The following NFATC2 variants were observed in gnomAD, a reference collection of about 807,000 sequenced individuals.
NFATC2 encodes nuclear factor of activated T-cells, cytoplasmic 2.
NFATC2 carries 22 observed loss-of-function variants against 87.3 expected under a neutral mutation model. That is an observed-to-expected ratio of 0.25 (90% CI 0.18 to 0.36). The LOEUF (loss-of-function observed/expected upper bound fraction) is 0.36, where lower values mean the gene tolerates loss of function less well. Among genes scored for constraint, NFATC2 ranks in the 10% least tolerant of loss-of-function variants. The probability of loss-of-function intolerance (pLI) is 1.00; values close to 1 mark genes in which losing one functional copy is unlikely to be tolerated. For synonymous variants in NFATC2, 565 were observed against 542.2 expected (o/e 1.04, Z -0.58); for missense variants, 1,149 against 1,259.1 (o/e 0.91, Z 1.32).
chr20:51,392,042 CT>C (rs1374865942), intron 10 of NFATC2, among the ~76,000 whole-genome samples: 1 of 152,192 alleles, frequency 6.6e-6, no homozygotes, highest in Non-Finnish European at 1.5e-5. Flanking sequence ...TTTGAAGTAA[CT>C]TTCTCCTCTT....
Position 51,480,062 on chromosome 20 carries a change from C to T in NFATC2, c.1333-4402G>A, listed in dbSNP as rs1157691112. Among the ~76,000 whole-genome samples, 1 of 151,938 alleles carries T rather than the reference C, an allele frequency of 6.6e-6. No individual in the cohort carries two copies. Among genetic ancestry groups the T allele is most frequent in the Non-Finnish European group, 1.5e-5 (1 of 67,994 alleles). ...CAGCACTTTGGGAGGCTGAGGTGGG[C>T]AGATCACTTGACGTCAGGAGTTCAA... On this transcript the variant is annotated intron_variant, in intron 3 of 10. Coordinates refer to ENST00000371564, the MANE Select transcript of NFATC2 (RefSeq NM_012340.5). This position sits in a 1 kb window ranked among gnomAD's most constrained non-coding sequence, Gnocchi z 4.2.
chr20:51,440,037 G>A (rs898493339), intron 6 of NFATC2, among the ~76,000 whole-genome samples: 9 of 152,110 alleles, frequency 5.9e-5, no homozygotes, highest in Non-Finnish European at 8.8e-5. Context: ...AAGAGTTTGG[G>A]ACTAGCCAGG....
chr20:51,468,703 T>C (rs2146490614), intron 5 of NFATC2, among the ~76,000 whole-genome samples: 1 of 152,384 alleles, frequency 6.6e-6, no homozygotes, highest in African/African-American at 2.4e-5. Flanking sequence ...CACCATGTGC[T>C]GAGCCCCGGC....
At chr20:51,401,172 C>G (rs1987994838) in intron 9 of NFATC2, among the ~76,000 whole-genome samples, 1 of 152,036 alleles carries the variant, frequency 6.6e-6, no homozygotes, top group Non-Finnish European at 1.5e-5. Context: ...GAGTTTAAGA[C>G]CAGCCCGGCC....
chr20:51,453,558 A>C (rs1986058988), intron 6 of NFATC2, among the ~76,000 whole-genome samples: 1 of 152,244 alleles, frequency 6.6e-6, no homozygotes, highest in African/African-American at 2.4e-5. Flanking sequence ...TTCTAACAAC[A>C]CATTTGTTTC....
chr20:51,433,106 C>A (rs1422315905), intron 8 of NFATC2, among the ~76,000 whole-genome samples: 2 of 152,146 alleles, frequency 1.3e-5, no homozygotes, highest in Admixed American at 6.5e-5. Flanking sequence ...TCTATCCCAG[C>A]AGCTCCTGTC....
chr20:51,471,780 T>A (rs1276143294), intron 5 of NFATC2, among the ~76,000 whole-genome samples: 1 of 152,266 alleles, frequency 6.6e-6, no homozygotes, highest in Non-Finnish European at 1.5e-5. Context: ...AGAAGCTATC[T>A]GCAGATATTT....
chr20:51,561,345 AAG>A (rs1306746589), intron 1 of NFATC2, among the ~76,000 whole-genome samples: 1 of 147,578 alleles, frequency 6.8e-6, no homozygotes, highest in Non-Finnish European at 1.5e-5. Context: ...AAAAGAAAGA[AAG>A]AGAGAGAAAG....
At position 51,507,104 on chromosome 20, in the gene NFATC2, A is replaced by C. The variant is rs7270834; in HGVS notation, c.1332+9680T>G. Among the ~76,000 whole-genome samples the C allele has an allele frequency of 9.1e-3, 1,393 of 152,332 alleles. 21 individuals are homozygous for C. Among genetic ancestry groups the C allele is most frequent in the African/African-American group, 0.032 (1,322 of 41,580 alleles). ...CATTGTACCCCATGCCTGGGGCGTG[A>C]TGCTGCTGCCAGCAGGTGGATGAAT... On this transcript the variant is annotated intron_variant, in intron 3 of 10. Transcript: ENST00000371564.
intron 2 of NFATC2, among the ~76,000 whole-genome samples, chr20:51,517,461 G>C (rs1269917633): frequency 6.6e-6 from 1 of 151,880 alleles, no homozygotes; most frequent in Admixed American, 6.6e-5. Flanking sequence ...GCAATGTGGT[G>C]CATGCCTATA....
Position 51,523,943 on chromosome 20 carries a change from C to T in NFATC2, c.298G>A (p.Ala100Thr). 1 of 1,595,198 alleles carries T rather than the reference C, an allele frequency of 6.3e-7. No individual in the cohort carries two copies. The highest frequency in any genetic ancestry group is 1.1e-5 in the South Asian group (1 of 88,216). ...CCCGAGGCCCCTGCTGGCTTGGCCG[C>T]GCTCAGAAACTTCTGCGGCCCTACC... The part of the protein sequence containing the change: ...DRVGPQKFLS[A>T]AKPAGASGLS... The change falls in exon 2 of 11, where the codon GCG becomes ACG. Residue 100 changes from alanine (A) to threonine (T), a missense_variant. Physicochemically the swap from Ala to Thr is moderately conservative, Grantham distance 58. Coordinates refer to ENST00000371564, the MANE Select transcript of NFATC2 (RefSeq NM_012340.5). This position sits in a 1 kb window ranked among gnomAD's most constrained non-coding sequence, Gnocchi z 6.9.
chr20:51,523,924 G>T lies in NFATC2; in HGVS notation c.317C>A (p.Ala106Asp). Residue 106 changes from alanine (A) to aspartate (D), a missense_variant, in exon 2 of 11, where the codon GCC (alanine) becomes GAC (aspartate). Around this residue, in one of 3 missense-constraint regions of NFATC2, gnomAD observed 563 missense variants for 585.2 expected, o/e 0.96. Coordinates refer to ENST00000371564, the MANE Select transcript of NFATC2 (RefSeq NM_012340.5). This position sits in a 1 kb window ranked among gnomAD's most constrained non-coding sequence, Gnocchi z 6.9. ...KFLSAAKPAG[A>D]SGLSPRIEIT... ...CTCGATCCGAGGGCTCAGGCCCGAG[G>T]CCCCTGCTGGCTTGGCCGCGCTCAG... The T allele has an allele frequency of 6.2e-7, 1 of 1,602,328 alleles. No individual in the cohort carries two copies.
At position 51,523,224 on chromosome 20, in the gene NFATC2, G is replaced by C; in HGVS notation, c.1017C>G (p.Ala339=). 1 of 1,613,720 alleles carries C rather than the reference G, an allele frequency of 6.2e-7. No individual in the cohort carries two copies. The highest frequency in any genetic ancestry group is 1.1e-5 in the South Asian group (1 of 91,052). The change falls in exon 2 of 11, where the codon GCC becomes GCG. Residue 339 remains alanine, a synonymous_variant. Coordinates refer to ENST00000371564, the MANE Select transcript of NFATC2 (RefSeq NM_012340.5). This position sits in a 1 kb window ranked among gnomAD's most constrained non-coding sequence, Gnocchi z 6.9. ...CCGGGTAGATGTGGCGAGGCAGGCCGGCCTTGGATGGGGCGGCAGACACCG... is the reference window on the plus strand; with the variant it reads ...CCGGGTAGATGTGGCGAGGCAGGCCCGCCTTGGATGGGGCGGCAGACACCG... ...PSPVSAAPSK[A]GLPRHIYPAV... is the part of the protein sequence containing the mutation.
chr20:51,531,498 G>A (rs6096463), intron 1 of NFATC2, among the ~76,000 whole-genome samples: 8,587 of 152,258 alleles, frequency 0.056, 271 homozygotes, highest in Middle Eastern at 0.092. Flanking sequence ...TTGCTGGGGA[G>A]GCCAGTTCAG....
chr20:51,415,617 C>G (rs942632219), intron 9 of NFATC2, among the ~76,000 whole-genome samples: 3 of 152,174 alleles, frequency 2.0e-5, no homozygotes, highest in Non-Finnish European at 4.4e-5. Context: ...TGGGCCAGCA[C>G]ACCTCTAAAG....
intron 5 of NFATC2, among the ~76,000 whole-genome samples, chr20:51,464,244 CCACCACAAAGGA>C (rs1393379926): frequency 5.9e-5 from 9 of 152,224 alleles, no homozygotes; most frequent in African/African-American, 2.2e-4. Context: ...ACCACAAAGG[CCACCACAAAGGA>C]GGCACTTGAG....
At chr20:51,481,603 T>A (rs1989262347) in intron 3 of NFATC2, among the ~76,000 whole-genome samples, 2 of 151,442 alleles carry the variant, frequency 1.3e-5, no homozygotes, top group African/African-American at 4.9e-5. Context: ...GGGAGGGGAG[T>A]GTCTGTGGCG....
intron 9 of NFATC2, among the ~76,000 whole-genome samples, chr20:51,400,770 T>G (rs1000504698): frequency 1.3e-5 from 2 of 151,364 alleles, no homozygotes; most frequent in African/African-American, 4.9e-5. Context: ...TCTCCGGGGG[T>G]GGTGGTGAGA....
At chr20:51,554,319 A>G (rs538823283) in intron 1 of NFATC2, among the ~76,000 whole-genome samples, 1 of 152,160 alleles carries the variant, frequency 6.6e-6, no homozygotes, top group Non-Finnish European at 1.5e-5. Flanking sequence ...CATGTCTCAT[A>G]GACGTTGGGT....
Sources: allele counts gnomAD v4.1 joint callset (sites outside exome capture counted in the v4.1 genomes callset), GRCh38; gene constraint gnomAD v4.1.1; regional missense constraint gnomAD v4.1.1; non-coding constraint Gnocchi (gnomAD v3.1); transcripts MANE v1.5; gene names NCBI Gene and HGNC (gene_info 2026-07-23, HGNC 2026-07-21).